XNDC1N: variants seen among roughly 807,000 people sequenced by gnomAD.
XNDC1N encodes XRCC1 N-terminal domain containing 1, N-terminal like, also known as protein XNDC1N.
At chr11:71,902,761 T>A in the XNDC1N span, among the ~76,000 whole-genome samples, 1 of 152,246 alleles carries the variant, frequency 6.6e-6, no homozygotes, top group Non-Finnish European at 1.5e-5. Flanking sequence ...GGAATTTGTA[T>A]CAATCTCGTA....
chr11:71,913,161 A>C, the XNDC1N span, among the ~76,000 whole-genome samples: 1 of 152,112 alleles, frequency 6.6e-6, no homozygotes, highest in Non-Finnish European at 1.5e-5. Context: ...TAGGAACAAT[A>C]TCACAGGGTT....
chr11:71,868,395 T>C, the XNDC1N span, among the ~76,000 whole-genome samples: 2 of 152,212 alleles, frequency 1.3e-5, no homozygotes, highest in African/African-American at 4.8e-5. Context: ...TGTAATTAAT[T>C]GTGTTTTGTG....
At chr11:71,889,965 C>T in the XNDC1N span, among the ~76,000 whole-genome samples, 8 of 152,126 alleles carry the variant, frequency 5.3e-5, no homozygotes, top group Non-Finnish European at 1.2e-4. Flanking sequence ...GCTCAGACAA[C>T]GGGCCTGCGT....
the XNDC1N span, chr11:71,916,531 G>A: frequency 5.8e-6 from 2 of 345,982 alleles, no homozygotes; most frequent in South Asian, 5.3e-5. Context: ...ACCTCTCCAG[G>A]GACCTCATCA....
the XNDC1N span, among the ~76,000 whole-genome samples, chr11:71,897,468 A>G: frequency 6.6e-6 from 1 of 152,244 alleles, no homozygotes; most frequent in African/African-American, 2.4e-5. Flanking sequence ...GCCAATAAGC[A>G]TCTAAGGTGA....
the XNDC1N span, among the ~76,000 whole-genome samples, chr11:71,873,375 T>C: frequency 3.3e-5 from 5 of 152,234 alleles, no homozygotes; most frequent in African/African-American, 4.8e-5. Context: ...CCAAGTGTTA[T>C]GTAGGAATGT....
At chr11:71,888,274 C>A in the XNDC1N span, among the ~76,000 whole-genome samples, 1 of 152,152 alleles carries the variant, frequency 6.6e-6, no homozygotes, top group Non-Finnish European at 1.5e-5. Context: ...AGAAAGAAAG[C>A]AGGTCATTTG....
At chr11:71,866,285 T>C in the XNDC1N span, among the ~76,000 whole-genome samples, 1 of 152,082 alleles carries the variant, frequency 6.6e-6, no homozygotes, top group Admixed American at 6.5e-5. Context: ...AAAAGATTTC[T>C]GGGGAAAGGC....
chr11:71,923,330 A>G, the XNDC1N span: 4 of 702,936 alleles, frequency 5.7e-6, no homozygotes, highest in Admixed American at 6.0e-5. Flanking sequence ...ATGATACCAC[A>G]TGGCTGATCT....
chr11:71,918,955 C>T, the XNDC1N span: 2 of 702,866 alleles, frequency 2.8e-6, no homozygotes, highest in African/African-American at 3.5e-5. Flanking sequence ...CACTCTTGTC[C>T]TGAGGGCAGC....
the XNDC1N span, among the ~76,000 whole-genome samples, chr11:71,909,812 G>C: frequency 6.6e-6 from 1 of 152,190 alleles, no homozygotes; most frequent in Non-Finnish European, 1.5e-5. Context: ...TTTTTAGGAA[G>C]GGACTTGCTC....
At chr11:71,895,437 G>A in the XNDC1N span, among the ~76,000 whole-genome samples, 5 of 148,900 alleles carry the variant, frequency 3.4e-5, no homozygotes, top group South Asian at 8.5e-4. Flanking sequence ...AGCCTTCCAA[G>A]TAGCTGGGAT....
the XNDC1N span, chr11:71,903,804 C>T: frequency 3.4e-5 from 12 of 354,024 alleles, no homozygotes; most frequent in South Asian, 1.8e-4. Context: ...TTCCCTGCTG[C>T]CGTATTTGGT....
At chr11:71,898,884 A>C in the XNDC1N span, among the ~76,000 whole-genome samples, 1 of 152,140 alleles carries the variant, frequency 6.6e-6, no homozygotes, top group Non-Finnish European at 1.5e-5. Flanking sequence ...TGGCCATTCT[A>C]TATGAAGTAA....
chr11:71,884,276 T>C, the XNDC1N span: 1 of 1,111,488 alleles, frequency 9.0e-7, no homozygotes, highest in Non-Finnish European at 1.2e-6. Context: ...TTCTCTTGCA[T>C]TCTTTTGCTG....
chr11:71,902,202 G>GT, the XNDC1N span, among the ~76,000 whole-genome samples: 6 of 152,094 alleles, frequency 3.9e-5, no homozygotes, highest in African/African-American at 1.4e-4. Context: ...TTTGTTTTTT[G>GT]TTTTTTGAGA....
the XNDC1N span, among the ~76,000 whole-genome samples, chr11:71,902,649 C>T: frequency 0.032 from 4,884 of 152,282 alleles, 77 homozygotes; most frequent in East Asian, 0.078. Context: ...ACCTAACTGG[C>T]ATGTGGAACT....
the XNDC1N span, among the ~76,000 whole-genome samples, chr11:71,888,132 G>T: frequency 1.3e-5 from 2 of 152,094 alleles, no homozygotes; most frequent in Non-Finnish European, 2.9e-5. Flanking sequence ...TGTGCCAAGG[G>T]AACAGATGCC....
the XNDC1N span, among the ~76,000 whole-genome samples, chr11:71,900,986 G>T: frequency 6.6e-6 from 1 of 152,144 alleles, no homozygotes; most frequent in Admixed American, 6.5e-5. Flanking sequence ...TCGTCACTCA[G>T]GCGGATGCCC....
Sources: allele counts gnomAD v4.1 joint callset (sites outside exome capture counted in the v4.1 genomes callset), GRCh38; gene constraint gnomAD v4.1.1; transcripts MANE v1.5; gene names NCBI Gene and HGNC (gene_info 2026-07-23, HGNC 2026-07-21).